Variants in MYOM1 observed in about 807,000 individuals in gnomAD.
MYOM1 encodes the protein myomesin 1.
In MYOM1, 164 loss-of-function variants were observed where a neutral mutation model predicts 205.3. That is an observed-to-expected ratio of 0.80 (90% confidence interval 0.70 to 0.91). The LOEUF (loss-of-function observed/expected upper bound fraction) is 0.91. MYOM1 is among the 40% of genes least tolerant of loss of function. The pLI is 0.00. For missense variants in MYOM1, 2,011 were observed against 2,127.3 expected, an observed-to-expected ratio of 0.95 and a Z score of 1.08; for synonymous variants, 772 against 789.4, an observed-to-expected ratio of 0.98 and a Z score of 0.37.
chr18:3,191,243 C>T (rs750464188), intron 3 of MYOM1, among the ~76,000 whole-genome samples: 1 of 152,170 alleles, frequency 6.6e-6, no homozygotes, highest in Non-Finnish European at 1.5e-5. Flanking sequence ...AAAGTTTACT[C>T]GATTTATTGG....
intron 10 of MYOM1, among the ~76,000 whole-genome samples, chr18:3,158,314 G>A (rs144637506): frequency 1.3e-5 from 2 of 152,160 alleles, no homozygotes; most frequent in East Asian, 3.9e-4. Flanking sequence ...GTATGTCATC[G>A]TTTCATGGAG....
intron 17 of MYOM1, among the ~76,000 whole-genome samples, chr18:3,130,792 T>A (rs2079864146): frequency 6.6e-6 from 1 of 152,172 alleles, no homozygotes; most frequent in East Asian, 1.9e-4. Flanking sequence ...ACCACCTGGG[T>A]CCCTTTTCTA....
rs76964018 is a variant in MYOM1, at chr18:3,117,251, T to C, written c.3119-736A>G. On this transcript the variant is annotated intron_variant, in intron 20 of 37. Transcript: ENST00000356443. ...AGCTCTATTTGATGGCATATGAATA[T>C]AGAGAGTAATAGCTCTTTCAAAGGA... is the stretch of plus-strand genomic sequence containing the variant. Among the ~76,000 whole-genome samples, 636 of 152,294 alleles carry C rather than the reference T, an allele frequency of 4.2e-3. 5 individuals are homozygous for C. The highest frequency in any genetic ancestry group is 0.014 in the African/African-American group (580 of 41,544).
In MYOM1 at chr18:3,134,740, G is replaced by A. The variant is rs373002670; in HGVS notation, c.2294C>T (p.Ala765Val). The A allele has an allele frequency of 6.2e-7, 1 of 1,613,866 alleles. No homozygotes were observed. Among genetic ancestry groups the A allele is most frequent in the East Asian group, 2.2e-5 (1 of 44,874 alleles). ...TATGTAGTACCCGACCAGCTCTTTGGCATCTTTGGACTCCTCCCACGAAAC... is the reference window on the plus strand; with the variant it reads ...TATGTAGTACCCGACCAGCTCTTTGACATCTTTGGACTCCTCCCACGAAAC... Reference protein sequence around the residue: ...VVVSWEESKDAKELVGYYIEA... With the variant: ...VVVSWEESKDVKELVGYYIEA... Residue 765 changes from alanine (A) to valine (V), a missense_variant, in exon 16 of 38, where the codon GCC (alanine) becomes GTC (valine). Physicochemically the swap from Ala to Val is moderately conservative, Grantham distance 64. Coordinates refer to ENST00000356443, the MANE Select transcript of MYOM1 (RefSeq NM_003803.4).
At chr18:3,186,802 GAGAAAGAAAGAA>G (rs10655152) in intron 5 of MYOM1, among the ~76,000 whole-genome samples, 5 of 138,788 alleles carry the variant, frequency 3.6e-5, no homozygotes, top group African/African-American at 1.4e-4. Flanking sequence ...AAGAAAGAAA[GAGAAAGAAAGAA>G]AGAAAGAAAG....
chr18:3,225,019 G>A, the MYOM1 span, among the ~76,000 whole-genome samples: 5 of 150,030 alleles, frequency 3.3e-5, no homozygotes, highest in Non-Finnish European at 7.4e-5. Flanking sequence ...ACGGAGTCTC[G>A]CTCTTTCACC....
Position 3,135,028 on chromosome 18 carries a change from A to T in MYOM1, c.2210-204T>A, listed in dbSNP as rs1324715991. 3.6e-5 allele frequency: 18 copies of T among 501,312 alleles called. No individual in the cohort carries two copies. In the Admixed American group the frequency reaches 5.3e-4, roughly 15 times the overall value. 31.1% of individuals were successfully genotyped at this position (501,312 alleles called of 1,614,324 possible). The stretch of plus-strand genomic sequence containing the variant: ...CAGTGGCGGGATCTCGGCTCACTGC[A>T]GCCCCCACCTCCTGGGTTCAGGCAA... On this transcript the variant is annotated intron_variant, in intron 15 of 37. Coordinates refer to ENST00000356443, the MANE Select transcript of MYOM1 (RefSeq NM_003803.4). The surrounding 1 kb of genome is among the most constrained non-coding windows in gnomAD (Gnocchi z 4.1).
chr18:3,173,070 A>G (rs12957749), intron 8 of MYOM1, among the ~76,000 whole-genome samples: 48,748 of 152,072 alleles, frequency 0.32, 7,939 homozygotes, highest in African/African-American at 0.36. Flanking sequence ...TGAAAACCAA[A>G]TTAGGGCTTG....
intron 34 of MYOM1, among the ~76,000 whole-genome samples, chr18:3,078,837 A>C (rs868481813): frequency 6.6e-6 from 1 of 151,960 alleles, no homozygotes; most frequent in Non-Finnish European, 1.5e-5. Flanking sequence ...AGCATTTTTA[A>C]TATTTATTTA....
At chr18:3,181,732 A>AT (rs11448786) in intron 5 of MYOM1, among the ~76,000 whole-genome samples, 109,066 of 127,064 alleles carry the variant, frequency 0.86, 48,095 homozygotes, top group East Asian at 0.98. Context: ...AAACTGAATA[A>AT]TTTTTTTTTT....
intron 9 of MYOM1, among the ~76,000 whole-genome samples, chr18:3,167,029 T>C (rs955078061): frequency 1.3e-5 from 2 of 152,234 alleles, no homozygotes; most frequent in African/African-American, 4.8e-5. Context: ...CTCGCAGATA[T>C]GTATGTACGG....
At chr18:3,114,396 G>A (rs1172209436) in intron 21 of MYOM1, among the ~76,000 whole-genome samples, 8 of 145,390 alleles carry the variant, frequency 5.5e-5, no homozygotes, top group Non-Finnish European at 4.5e-5. Flanking sequence ...TTTTTTTTTC[G>A]AGACAGAGTC....
At chr18:3,186,798 GAAAGAGAA>G (rs1419127106) in intron 5 of MYOM1, among the ~76,000 whole-genome samples, 3,184 of 97,274 alleles carry the variant, frequency 0.033, 107 homozygotes, top group African/African-American at 0.12. Context: ...GAGAAAGAAA[GAAAGAGAA>G]AGAAAGAAAG....
intron 20 of MYOM1, among the ~76,000 whole-genome samples, chr18:3,119,647 A>G (rs528568179): frequency 3.9e-5 from 6 of 152,332 alleles, no homozygotes; most frequent in South Asian, 4.1e-4. Flanking sequence ...TGAGGGCTCT[A>G]GGATTTACTG....
chr18:3,126,988 T>A, intron 18 of MYOM1, 91 bp from the exon 19 acceptor site: 1 of 1,192,558 alleles, frequency 8.4e-7, no homozygotes, highest in African/African-American at 1.5e-5. Context: ...ATGAGGGCAC[T>A]AGATCTTGCA....
At position 3,079,257 on chromosome 18, in the gene MYOM1, T is replaced by C. The variant is rs183212921; in HGVS notation, c.4570A>G (p.Asn1524Asp). 8 of 1,613,956 alleles carry C rather than the reference T, an allele frequency of 5.0e-6. No individual in the cohort carries two copies. Among genetic ancestry groups the C allele is most frequent in the Non-Finnish European group, 5.9e-6 (7 of 1,179,870 alleles). The change falls in exon 34 of 38, where the codon AAT (asparagine) becomes GAT (aspartate). Residue 1524 changes from asparagine (N) to aspartate (D), a missense_variant. Transcript: ENST00000356443. ...TCCATGACATACTTCCCTTTGTCAT[T>C]CGGGGTGGGCTCGTTGATTTGTAGC... ...IWLQINEPTP[N>D]DKGKYVMELF... is the part of the protein sequence containing the mutation.
Position 3,131,395 on chromosome 18 carries a change from A to G in MYOM1, c.2486T>C (p.Ile829Thr), listed in dbSNP as rs2079873733. The change falls in exon 17 of 38, where the codon ATT becomes ACT. Residue 829 changes from isoleucine to threonine, a missense_variant. By Grantham distance (89) the Ile-to-Thr change is moderately conservative (BLOSUM62 -1). Coordinates refer to ENST00000356443, the MANE Select transcript of MYOM1 (RefSeq NM_003803.4). ...CTTACCAATAGCAGCTTTGACTTCAATAGCTTCTGAATCCTGGGAATATTC... is the reference window on the plus strand; with the variant it reads ...CTTACCAATAGCAGCTTTGACTTCAGTAGCTTCTGAATCCTGGGAATATTC... ...LSEYSQDSEA[I>T]EVKAAIGGGV... is the part of the protein sequence containing the mutation. 2 of 1,613,922 alleles carry G rather than the reference A, an allele frequency of 1.2e-6. No homozygotes were observed. Among genetic ancestry groups the G allele is most frequent in the Non-Finnish European group, 1.7e-6 (2 of 1,179,830 alleles).
chr18:3,191,853 G>A (rs528321364), intron 3 of MYOM1, among the ~76,000 whole-genome samples: 45 of 151,530 alleles, frequency 3.0e-4, no homozygotes, highest in African/African-American at 1.1e-3. Context: ...CCGCCACCAC[G>A]CCCGGCTAAT....
intron 11 of MYOM1, among the ~76,000 whole-genome samples, chr18:3,153,857 C>T (rs376818360): frequency 6.6e-5 from 10 of 152,148 alleles, no homozygotes; most frequent in East Asian, 5.8e-4. Flanking sequence ...ATTGGAACAA[C>T]GATCTGAATA....
Sources: allele counts gnomAD v4.1 joint callset (sites outside exome capture counted in the v4.1 genomes callset), GRCh38; gene constraint gnomAD v4.1.1; non-coding constraint Gnocchi (gnomAD v3.1); transcripts MANE v1.5; gene names NCBI Gene and HGNC (gene_info 2026-07-23, HGNC 2026-07-21).